Variants in PTPRA observed in about 807,000 individuals in gnomAD.
PTPRA encodes receptor-type tyrosine-protein phosphatase alpha.
PTPRA carries 25 observed loss-of-function variants against 104.8 expected under a neutral mutation model. The ratio of observed to expected loss-of-function variants is 0.24; its 90% CI spans 0.17 to 0.33. PTPRA has a LOEUF of 0.33. PTPRA is among the 10% of genes least tolerant of loss of function. The pLI, the probability that PTPRA is intolerant of heterozygous loss-of-function variation, is 1.00. For missense variants in PTPRA, 765 were observed against 1,015.3 expected (o/e 0.75, Z 3.35); for synonymous variants, 323 against 368.9 (o/e 0.88, Z 1.43).
Position 2,902,780 on chromosome 20 carries a change from T to G in PTPRA, c.-128-20427T>G, listed in dbSNP as rs2059285319. On this transcript the variant is annotated intron_variant, in intron 1 of 23. Transcript: ENST00000399903. ...TAATTTGAGGGTTTTATTTTTTGTT[T>G]TTAAGCGTTCAAAATGTTGAATTGT... is the stretch of plus-strand genomic sequence containing the variant. 2.0e-5 allele frequency among the ~76,000 whole-genome samples: 3 copies of G among 152,340 alleles called. No homozygotes were observed. The South Asian group carries it at 6.2e-4, about 32-fold the overall frequency.
intron 5 of PTPRA, 146 bp downstream of exon 5, chr20:2,965,348 G>C: frequency 1.2e-6 from 1 of 805,176 alleles, no homozygotes; most frequent in Non-Finnish European, 1.9e-6. Flanking sequence ...GGAATTTTTG[G>C]GTTAGCATGA....
chr20:3,006,022 TG>T (rs2063852033), intron 10 of PTPRA, among the ~76,000 whole-genome samples: 2 of 151,728 alleles, frequency 1.3e-5, no homozygotes, highest in Admixed American at 6.6e-5. Context: ...CCTGTGAAAA[TG>T]TTTTTTTTTT....
chr20:2,879,410 G>C (rs757278671), intron 1 of PTPRA, among the ~76,000 whole-genome samples: 1 of 152,146 alleles, frequency 6.6e-6, no homozygotes, highest in East Asian at 1.9e-4. Flanking sequence ...CACACTTGGT[G>C]TAGCAAGGCC....
chr20:2,923,404 T>A (rs2060169119), intron 2 of PTPRA, 119 bp downstream of exon 2: 1 of 571,772 alleles, frequency 1.7e-6, no homozygotes, highest in Admixed American at 4.2e-5. Context: ...AAGAGTAGCT[T>A]ATTTTTTTAT....
At chr20:3,025,039 TGCAGGCA>T (rs910059543) in intron 17 of PTPRA, among the ~76,000 whole-genome samples, 21 of 132,354 alleles carry the variant, frequency 1.6e-4, no homozygotes, top group South Asian at 4.4e-4. Context: ...AAACTTTATT[TGCAGGCA>T]GCAGGCAGCA....
Position 2,901,377 on chromosome 20 carries a change from T to G in PTPRA, c.-128-21830T>G, listed in dbSNP as rs147686998. On this transcript the variant is annotated intron_variant, in intron 1 of 23. Transcript: ENST00000399903. ...CCTCTTGTAATGGTGGGTGGGTAGC[T>G]GAAGGGAGGATATGTACAATAATGT... Among the ~76,000 whole-genome samples the G allele has an allele frequency of 3.9e-5, 6 of 152,270 alleles. No homozygotes were observed. The East Asian group carries it at 1.2e-3, about 29-fold the overall frequency.
intron 5 of PTPRA, 149 bp downstream of exon 5, chr20:2,965,351 T>C: frequency 1.3e-6 from 1 of 765,820 alleles, no homozygotes; most frequent in Non-Finnish European, 2.0e-6. Context: ...ATTTTTGGGT[T>C]AGCATGAGTG....
In PTPRA at chr20:3,037,066, C is replaced by G. The variant is rs985844733; in HGVS notation, c.2199-88C>G. ...CAAAGGCGAGCACCAGCTGCCTGCC[C>G]CCACCTCTTCTGCCACTCACCACTG... On this transcript the variant is annotated intron_variant, in intron 22 of 23. Transcript: ENST00000399903. The surrounding 1 kb of genome is among the most constrained non-coding windows in gnomAD (Gnocchi z 4.3). 1.3e-6 allele frequency: 2 copies of G among 1,546,090 alleles called. No individual in the cohort carries two copies. The highest frequency in any genetic ancestry group is 3.6e-5 in the Admixed American group (2 of 54,866).
chr20:2,994,773 C>T (rs1459270694), intron 9 of PTPRA, among the ~76,000 whole-genome samples: 1 of 152,220 alleles, frequency 6.6e-6, no homozygotes, highest in Non-Finnish European at 1.5e-5. Flanking sequence ...AAAACCATGG[C>T]CAGTTACCTG....
At chr20:2,917,229 A>G (rs940230838) in intron 1 of PTPRA, among the ~76,000 whole-genome samples, 6 of 152,074 alleles carry the variant, frequency 3.9e-5, no homozygotes, top group African/African-American at 9.7e-5. Context: ...AAGTGCTGGG[A>G]TTACAGACAT....
At chr20:2,891,982 A>G (rs2058810232) in intron 1 of PTPRA, among the ~76,000 whole-genome samples, 3 of 152,208 alleles carry the variant, frequency 2.0e-5, no homozygotes, top group South Asian at 4.2e-4. Context: ...GTGGATGTGC[A>G]ACCCACAGAT....
the PTPRA span, chr20:2,866,191 A>T: frequency 2.5e-6 from 4 of 1,612,210 alleles, no homozygotes; most frequent in Non-Finnish European, 3.4e-6. Context: ...TTCTCCCTCC[A>T]CCCGCTTCCT....
At chr20:2,915,421 G>A (rs1490682682) in intron 1 of PTPRA, among the ~76,000 whole-genome samples, 3 of 152,050 alleles carry the variant, frequency 2.0e-5, no homozygotes, top group Non-Finnish European at 4.4e-5. Flanking sequence ...TTGGAGAAAT[G>A]TCTCTTAAAT....
rs1314547523 is a variant in PTPRA at position 2,923,224 on chromosome 20, A to C, written c.-111A>C. On this transcript the variant is annotated 5_prime_UTR_variant, in exon 2 of 24. Transcript: ENST00000399903. ...TGTTGCAGGTGACACAACTAAAAAA[A>C]AACAAAGGTATTTATGGAATTCCAC... 8.0e-7 allele frequency: 1 copy of C among 1,257,260 alleles called. No individual in the cohort carries two copies. The highest frequency in any genetic ancestry group is 1.3e-5 in the South Asian group (1 of 76,546). 77.9% of individuals were successfully genotyped at this position (1,257,260 alleles called of 1,614,324 possible).
intron 1 of PTPRA, among the ~76,000 whole-genome samples, chr20:2,914,273 C>A (rs1241620654): frequency 6.6e-6 from 1 of 152,102 alleles, no homozygotes; most frequent in Non-Finnish European, 1.5e-5. Context: ...ACCCTGGTTC[C>A]CTTTATTGAA....
Position 3,037,091 on chromosome 20 carries a change from G to C in PTPRA, c.2199-63G>C, listed in dbSNP as rs907183672. 1 of 1,579,818 alleles carries C rather than the reference G, an allele frequency of 6.3e-7. No homozygotes were observed. The highest frequency in any genetic ancestry group is 1.7e-5 in the Admixed American group (1 of 57,342). Reference sequence around the variant, plus strand: ...CCCACCTCTTCTGCCACTCACCACTGTCACTCACCCCCTTGCACAGAGGGC... The same window carrying C: ...CCCACCTCTTCTGCCACTCACCACTCTCACTCACCCCCTTGCACAGAGGGC... On this transcript the variant is annotated intron_variant, in intron 22 of 23. Transcript: ENST00000399903. This position sits in a 1 kb window ranked among gnomAD's most constrained non-coding sequence, Gnocchi z 4.3.
intron 1 of PTPRA, among the ~76,000 whole-genome samples, chr20:2,883,247 C>T (rs1010892027): frequency 6.6e-6 from 1 of 152,134 alleles, no homozygotes; most frequent in African/African-American, 2.4e-5. Flanking sequence ...ATAAGGAATA[C>T]TCAACCTGAA....
At chr20:2,938,029 A>G (rs2060771500) in intron 2 of PTPRA, among the ~76,000 whole-genome samples, 1 of 152,136 alleles carries the variant, frequency 6.6e-6, no homozygotes, top group Non-Finnish European at 1.5e-5. Flanking sequence ...GTTTATATCT[A>G]AATCTGAGGC....
rs373784657 is a variant in PTPRA at position 3,036,511 on chromosome 20, G to A, written c.2198+570G>A. Among the ~76,000 whole-genome samples, 20 of 152,370 alleles carry A rather than the reference G, an allele frequency of 1.3e-4. 1 individual carries two copies. The highest frequency in any genetic ancestry group is 1.1e-3 in the Admixed American group (17 of 15,308). On this transcript the variant is annotated intron_variant, in intron 22 of 23. Transcript: ENST00000399903. The stretch of plus-strand genomic sequence containing the variant: ...CTCCTGCCATGGGCCTGAGATGCCA[G>A]TTTCCCAGGCAGCCACAGGGCTTTG...
Sources: allele counts gnomAD v4.1 joint callset (sites outside exome capture counted in the v4.1 genomes callset), GRCh38; gene constraint gnomAD v4.1.1; non-coding constraint Gnocchi (gnomAD v3.1); transcripts MANE v1.5; gene names NCBI Gene and HGNC (gene_info 2026-07-23, HGNC 2026-07-21).